TMEM217: variants seen among roughly 807,000 people sequenced by gnomAD.
The protein encoded by TMEM217 is chromosome 6 open reading frame 128.
For synonymous variants in TMEM217, 76 were observed against 88.3 expected, an observed-to-expected ratio of 0.86 and a Z score of 0.78; for missense variants, 204 against 248.8, an observed-to-expected ratio of 0.82 and a Z score of 1.21.
chr6:37,218,914 A>G (rs2113812909), exon 2 of TMEM217: 1 of 1,614,132 alleles, frequency 6.2e-7, no homozygotes, highest in East Asian at 2.2e-5. Context: ...TGCAACTGCC[A>G]TTCCCTAGGT....
downstream of TMEM217, chr6:37,215,316 G>A: frequency 6.2e-7 from 1 of 1,606,850 alleles, no homozygotes; most frequent in Non-Finnish European, 8.5e-7. Context: ...AATAAAAATT[G>A]TTTTTAATTA....
At chr6:37,225,741 G>A (rs1489103216) in intron 1 of TMEM217, among the ~76,000 whole-genome samples, 2 of 152,064 alleles carry the variant, frequency 1.3e-5, no homozygotes, top group East Asian at 1.9e-4. Context: ...TAGACACATG[G>A]CCACCCAGCT....
chr6:37,225,652 T>C (rs1763782252), intron 1 of TMEM217, among the ~76,000 whole-genome samples: 2 of 152,212 alleles, frequency 1.3e-5, no homozygotes, highest in Admixed American at 6.5e-5. Flanking sequence ...AAATTTTGGG[T>C]TCCCATTGGT....
intron 1 of TMEM217, among the ~76,000 whole-genome samples, chr6:37,241,701 G>A (rs1294627627): frequency 6.6e-6 from 1 of 152,078 alleles, no homozygotes; most frequent in Non-Finnish European, 1.5e-5. Context: ...GCAATATCCA[G>A]GCCAATTTAA....
At chr6:37,226,519 G>C (rs1399739871) in intron 1 of TMEM217, among the ~76,000 whole-genome samples, 3 of 150,422 alleles carry the variant, frequency 2.0e-5, no homozygotes, top group Non-Finnish European at 4.4e-5. Flanking sequence ...GGATGGTCTC[G>C]ATCTCCTGAC....
At chr6:37,242,471 ACT>A (rs1764817170) in intron 1 of TMEM217, among the ~76,000 whole-genome samples, 1 of 152,132 alleles carries the variant, frequency 6.6e-6, no homozygotes, top group African/African-American at 2.4e-5. Context: ...AAGTTCTTTA[ACT>A]CTCTGAGTGG....
At chr6:37,232,905 A>C (rs577384469) in intron 1 of TMEM217, among the ~76,000 whole-genome samples, 1 of 152,230 alleles carries the variant, frequency 6.6e-6, no homozygotes, top group African/African-American at 2.4e-5. Context: ...CCTTCTGCTT[A>C]TTCCTAAAGG....
intron 1 of TMEM217, among the ~76,000 whole-genome samples, chr6:37,222,593 G>T (rs905471091): frequency 6.6e-6 from 1 of 152,224 alleles, no homozygotes; most frequent in Non-Finnish European, 1.5e-5. Context: ...GTCTGCAGCC[G>T]TGGGTCCTGG....
chr6:37,215,290 A>C (rs749367366), downstream of TMEM217: 3 of 1,610,716 alleles, frequency 1.9e-6, no homozygotes, highest in East Asian at 6.7e-5. Flanking sequence ...AAGCTAGACA[A>C]ATAAAAAAAC....
intron 1 of TMEM217, among the ~76,000 whole-genome samples, chr6:37,223,548 G>A (rs868243379): frequency 2.6e-5 from 4 of 152,222 alleles, no homozygotes; most frequent in South Asian, 2.1e-4. Context: ...TTGCTCTGTC[G>A]CCCAGGCTGG....
At chr6:37,218,222 T>C in exon 2 of TMEM217, 1 of 1,339,756 alleles carries the variant, frequency 7.5e-7, no homozygotes, top group Non-Finnish European at 9.6e-7. Flanking sequence ...CAGGCTGAAG[T>C]GCACTGGCGC....
intron 1 of TMEM217, among the ~76,000 whole-genome samples, chr6:37,227,019 A>G (rs950513937): frequency 6.6e-6 from 1 of 152,206 alleles, no homozygotes; most frequent in African/African-American, 2.4e-5. Context: ...AGTGTTAGAG[A>G]AGCTAATTAA....
intron 1 of TMEM217, among the ~76,000 whole-genome samples, chr6:37,226,532 C>T (rs558882966): frequency 6.9e-4 from 104 of 151,312 alleles, no homozygotes; most frequent in Admixed American, 1.8e-3. Context: ...CTCCTGACCT[C>T]GTGATCCGCC....
At chr6:37,243,997 T>C (rs996882081) in intron 1 of TMEM217, among the ~76,000 whole-genome samples, 1 of 152,216 alleles carries the variant, frequency 6.6e-6, no homozygotes, top group African/African-American at 2.4e-5. Context: ...GGTTCTACAG[T>C]AGTGATGTTA....
chr6:37,229,721 A>G (rs1314911081), intron 1 of TMEM217, among the ~76,000 whole-genome samples: 2 of 152,208 alleles, frequency 1.3e-5, no homozygotes, highest in Non-Finnish European at 2.9e-5. Context: ...AGCCATCTAT[A>G]GATTTAATTT....
At chr6:37,217,043 C>T (rs1235159039), downstream of TMEM217, among the ~76,000 whole-genome samples, 2 of 152,196 alleles carry the variant, frequency 1.3e-5, no homozygotes, top group East Asian at 1.9e-4. Context: ...CCTGTACTCC[C>T]AGCACTTTGG....
intron 1 of TMEM217, among the ~76,000 whole-genome samples, chr6:37,225,505 A>C (rs993676658): frequency 6.6e-6 from 1 of 152,242 alleles, no homozygotes; most frequent in Non-Finnish European, 1.5e-5. Flanking sequence ...AAAAATAAAA[A>C]GAGTGGAAAA....
At chr6:37,228,723 C>T (rs773885987) in intron 1 of TMEM217, among the ~76,000 whole-genome samples, 8 of 150,830 alleles carry the variant, frequency 5.3e-5, no homozygotes, top group Non-Finnish European at 8.8e-5. Context: ...AATAGCTGGG[C>T]GCAGTGGCTC....
intron 1 of TMEM217, among the ~76,000 whole-genome samples, chr6:37,242,179 C>T (rs1764800987): frequency 6.6e-6 from 1 of 152,102 alleles, no homozygotes; most frequent in Non-Finnish European, 1.5e-5. Flanking sequence ...CTGCTCATAG[C>T]CCTGGAGACT....
Sources: allele counts gnomAD v4.1 joint callset (sites outside exome capture counted in the v4.1 genomes callset), GRCh38; gene constraint gnomAD v4.1.1; transcripts MANE v1.5; gene names NCBI Gene and HGNC (gene_info 2026-07-23, HGNC 2026-07-21).